The following GRIK2 variants were observed in gnomAD, a reference collection of about 807,000 sequenced individuals.
GRIK2 encodes the protein glutamate ionotropic receptor kainate type subunit 2.
In GRIK2, 32 loss-of-function variants were observed where a neutral mutation model predicts 100.3. The ratio of observed to expected loss-of-function variants is 0.32; its 90% CI spans 0.24 to 0.43. GRIK2 has a LOEUF of 0.43. Among genes scored for constraint, GRIK2 ranks in the 20% least tolerant of loss-of-function variants. The pLI is 1.00. For missense variants in GRIK2, 843 were observed against 1,114.9 expected, an observed-to-expected ratio of 0.76 and a Z score of 3.47; for synonymous variants, 417 against 389.4, an observed-to-expected ratio of 1.07 and a Z score of -0.83.
chr6:101,531,160 C>A (rs1775422712), intron 2 of GRIK2, among the ~76,000 whole-genome samples: 1 of 151,932 alleles, frequency 6.6e-6, no homozygotes, highest in Admixed American at 6.6e-5. Flanking sequence ...ATCTGATAAA[C>A]CCATTAGAAA....
At chr6:101,481,456 A>G (rs1166996614) in intron 2 of GRIK2, among the ~76,000 whole-genome samples, 1 of 152,184 alleles carries the variant, frequency 6.6e-6, no homozygotes, top group Non-Finnish European at 1.5e-5. Context: ...TGATAATACC[A>G]TATTTAGAAG....
intron 14 of GRIK2, among the ~76,000 whole-genome samples, chr6:101,992,024 G>C (rs1794402678): frequency 6.6e-6 from 1 of 151,592 alleles, no homozygotes; most frequent in African/African-American, 2.4e-5. Flanking sequence ...GAAGTTTTCA[G>C]GGATGCCATT....
chr6:101,958,491 T>G (rs1792089137), intron 14 of GRIK2, among the ~76,000 whole-genome samples: 2 of 152,116 alleles, frequency 1.3e-5, no homozygotes, highest in Admixed American at 6.6e-5. Context: ...TTTGACGTCC[T>G]CTTTTCCAAT....
chr6:101,761,916 T>TC, intron 7 of GRIK2, among the ~76,000 whole-genome samples: 1 of 109,110 alleles, frequency 9.2e-6, no homozygotes, highest in African/African-American at 4.7e-5. Flanking sequence ...TCTTCCTTTC[T>TC]TTCCTTTGTT....
intron 2 of GRIK2, among the ~76,000 whole-genome samples, chr6:101,595,706 GTGTGTGTGTGTGTATATATATA>G (rs1778890112): frequency 1.6e-5 from 2 of 125,386 alleles, no homozygotes; most frequent in African/African-American, 6.3e-5. Flanking sequence ...ATATGTGTGT[GTGTGTGTGTGTGTATATATATA>G]TATATATATA....
chr6:101,977,769 C>T (rs1010854517), intron 14 of GRIK2, among the ~76,000 whole-genome samples: 4 of 151,986 alleles, frequency 2.6e-5, no homozygotes, highest in Non-Finnish European at 2.9e-5. Flanking sequence ...AGGCATCCCA[C>T]CTCTTCCACA....
intron 4 of GRIK2, among the ~76,000 whole-genome samples, chr6:101,674,178 C>T (rs1770652379): frequency 6.6e-6 from 1 of 152,082 alleles, no homozygotes; most frequent in Non-Finnish European, 1.5e-5. Context: ...TCGTATGACA[C>T]CTAAAACCAG....
In GRIK2 at chr6:101,971,118, G is replaced by T. The variant is rs9485575; in HGVS notation, c.2085+42486G>T. 1.4e-5 allele frequency among the ~76,000 whole-genome samples: 2 copies of T among 147,180 alleles called. 1 individual carries two copies. Among genetic ancestry groups the T allele is most frequent in the Admixed American group, 1.3e-4 (2 of 15,036 alleles). ...AGTTGTGAATTTTGAAATTTTTTCAGAAATTGGAAAATATTTGTAGATCAA... is the reference window on the plus strand; with the variant it reads ...AGTTGTGAATTTTGAAATTTTTTCATAAATTGGAAAATATTTGTAGATCAA... On this transcript the variant is annotated intron_variant, in intron 14 of 16. Coordinates refer to ENST00000369134, the MANE Select transcript of GRIK2 (RefSeq NM_021956.5).
intron 11 of GRIK2, among the ~76,000 whole-genome samples, chr6:101,860,509 G>A (rs1413261290): frequency 6.6e-6 from 1 of 152,120 alleles, no homozygotes; most frequent in Non-Finnish European, 1.5e-5. Flanking sequence ...TGGTGTGAGG[G>A]TGGAGTTTTC....
chr6:101,925,226 C>G (rs1428764400), intron 13 of GRIK2, among the ~76,000 whole-genome samples: 1 of 152,062 alleles, frequency 6.6e-6, no homozygotes, highest in Non-Finnish European at 1.5e-5. Flanking sequence ...AAAATATTAG[C>G]TGCATTTGAT....
chr6:101,802,780 T>C (rs915541400), intron 9 of GRIK2, among the ~76,000 whole-genome samples: 2 of 151,908 alleles, frequency 1.3e-5, no homozygotes, highest in Non-Finnish European at 2.9e-5. Context: ...TAATCACTTA[T>C]GGTTGCATAG....
chr6:101,841,976 G>A (rs1207163388), intron 10 of GRIK2, among the ~76,000 whole-genome samples: 1 of 152,242 alleles, frequency 6.6e-6, no homozygotes, highest in African/African-American at 2.4e-5. Flanking sequence ...CTGCCACTTA[G>A]TAGTTGATTT....
At chr6:101,998,041 T>C (rs565396261) in intron 14 of GRIK2, among the ~76,000 whole-genome samples, 2 of 152,240 alleles carry the variant, frequency 1.3e-5, no homozygotes, top group African/African-American at 2.4e-5. Context: ...ACAGTGAAGA[T>C]AGTGAGCATA....
chr6:101,946,627 C>T (rs1246595403), intron 14 of GRIK2, among the ~76,000 whole-genome samples: 1 of 152,056 alleles, frequency 6.6e-6, no homozygotes, highest in Non-Finnish European at 1.5e-5. Context: ...AGGAATATGA[C>T]AGTGTCTTCA....
At chr6:101,399,421 T>C (rs776356865) in intron 2 of GRIK2, 29 bp downstream of exon 2, 1 of 1,117,612 alleles carries the variant, frequency 8.9e-7, no homozygotes, top group South Asian at 1.2e-5. Flanking sequence ...CTTGGTTGCC[T>C]GGTATCCGCT....
intron 2 of GRIK2, among the ~76,000 whole-genome samples, chr6:101,482,026 C>T (rs1404406544): frequency 1.3e-5 from 2 of 152,130 alleles, no homozygotes; most frequent in African/African-American, 4.8e-5. Context: ...TGAGGTGTCC[C>T]CAGCTATGTA....
intron 4 of GRIK2, among the ~76,000 whole-genome samples, chr6:101,659,690 T>C (rs912285119): frequency 6.6e-6 from 1 of 152,188 alleles, no homozygotes; most frequent in African/African-American, 2.4e-5. Context: ...TCTCAGCATT[T>C]GCTTGTCTGT....
At chr6:101,568,636 T>G (rs1326935279) in intron 2 of GRIK2, among the ~76,000 whole-genome samples, 1 of 152,104 alleles carries the variant, frequency 6.6e-6, no homozygotes, top group East Asian at 1.9e-4. Context: ...CTAAGGATTT[T>G]AAACTCTTGG....
intron 4 of GRIK2, among the ~76,000 whole-genome samples, chr6:101,636,700 TA>T (rs34349510): frequency 2.6e-5 from 4 of 151,788 alleles, no homozygotes; most frequent in Non-Finnish European, 5.9e-5. Flanking sequence ...ACACTAGATC[TA>T]AAAATGTAGA....
Sources: gnomAD v4.1 joint callset for allele counts (sites outside exome capture counted in the v4.1 genomes callset) on GRCh38, gnomAD v4.1.1 for gene constraint, MANE v1.5 for transcripts, NCBI Gene and HGNC (gene_info 2026-07-23, HGNC 2026-07-21) for gene names.